The following SOX5 variants were observed in gnomAD, a reference collection of about 807,000 sequenced individuals.
The protein encoded by SOX5 is SRY-box transcription factor 5.
Under a neutral mutation model 92.0 loss-of-function variants are expected in SOX5, and 9 were observed. The observed-to-expected ratio is 0.10, with a 90% CI of 0.06 to 0.17. The LOEUF (loss-of-function observed/expected upper bound fraction) is 0.17. Ranked by LOEUF, SOX5 falls within the 10% of genes least tolerant of loss-of-function variation. The pLI is 1.00. For missense variants in SOX5, 642 were observed against 944.5 expected (o/e 0.68, Z 4.20); for synonymous variants, 344 against 336.3 (o/e 1.02, Z -0.25).
intron 4 of SOX5, among the ~76,000 whole-genome samples, chr12:23,992,608 T>C (rs1406394423): frequency 3.9e-5 from 6 of 152,210 alleles, no homozygotes; most frequent in Admixed American, 3.9e-4. Context: ...AATCGTTTTG[T>C]ACATTGTCAA....
intron 3 of SOX5, among the ~76,000 whole-genome samples, chr12:24,268,296 A>C (rs1192414807): frequency 6.6e-6 from 1 of 152,178 alleles, no homozygotes; most frequent in Non-Finnish European, 1.5e-5. Context: ...TAAACAAATA[A>C]TGTTGTGTTA....
chr12:24,343,537 A>C (rs990112104), intron 2 of SOX5, among the ~76,000 whole-genome samples: 1 of 152,016 alleles, frequency 6.6e-6, no homozygotes, highest in Non-Finnish European at 1.5e-5. Flanking sequence ...ACATATATGA[A>C]GCCATCTAAG....
intron 6 of SOX5, among the ~76,000 whole-genome samples, chr12:23,719,722 G>A (rs1317979630): frequency 7.3e-6 from 1 of 137,716 alleles, no homozygotes; most frequent in African/African-American, 2.7e-5. Flanking sequence ...AGTTACGATT[G>A]TGCCACTGCA....
chr12:24,278,114 G>T (rs145237573), intron 2 of SOX5, among the ~76,000 whole-genome samples: 1 of 152,096 alleles, frequency 6.6e-6, no homozygotes, highest in Non-Finnish European at 1.5e-5. Flanking sequence ...CAGTCGCTCC[G>T]CTATTAGTCC....
chr12:24,341,882 G>T lies in SOX5; in HGVS notation c.-174+26681C>A, dbSNP rs992709037. ...TGGGCAGCTTTGGCTCCTGGGTTCT[G>T]GTAAGGCCACCTCCTCCGTTGGTTG... On this transcript the variant is annotated intron_variant, in intron 2 of 4. Transcript: ENST00000446891. 6.6e-5 allele frequency among the ~76,000 whole-genome samples: 10 copies of T among 152,276 alleles called. No homozygotes were observed. The East Asian group carries it at 1.7e-3, about 27-fold the overall frequency.
At chr12:23,921,708 GCTCTCTA>G in intron 1 of SOX5, among the ~76,000 whole-genome samples, 1 of 152,150 alleles carries the variant, frequency 6.6e-6, no homozygotes, top group South Asian at 2.1e-4. Context: ...AAAGGCATCT[GCTCTCTA>G]ACTCACACTC....
intron 2 of SOX5, among the ~76,000 whole-genome samples, chr12:24,281,456 C>T (rs1483408672): frequency 6.6e-6 from 1 of 152,144 alleles, no homozygotes; most frequent in Non-Finnish European, 1.5e-5. Context: ...ATTTATTAAG[C>T]TAAAAAGGTC....
At chr12:23,833,771 AGATTG>A (rs1377176480) in intron 3 of SOX5, among the ~76,000 whole-genome samples, 1 of 152,028 alleles carries the variant, frequency 6.6e-6, no homozygotes, top group Non-Finnish European at 1.5e-5. Context: ...ACATGTCAGA[AGATTG>A]GAGAAGATGG....
intron 4 of SOX5, among the ~76,000 whole-genome samples, chr12:24,038,470 C>T (rs1956247442): frequency 6.6e-6 from 1 of 152,132 alleles, no homozygotes; most frequent in Admixed American, 6.6e-5. Context: ...TTCCAAAAAT[C>T]CTAAGGTGGG....
At chr12:23,961,362 G>A (rs1946909517) in intron 4 of SOX5, among the ~76,000 whole-genome samples, 2 of 152,026 alleles carry the variant, frequency 1.3e-5, no homozygotes, top group African/African-American at 4.8e-5. Context: ...ATATATGATT[G>A]TTCATGCTCT....
At chr12:24,269,582 T>G (rs1943432642) in intron 3 of SOX5, among the ~76,000 whole-genome samples, 1 of 152,132 alleles carries the variant, frequency 6.6e-6, no homozygotes, top group Admixed American at 6.5e-5. Context: ...GTACTCAAAA[T>G]ATATGTAAAC....
At chr12:23,834,390 T>G (rs1255668359) in intron 3 of SOX5, among the ~76,000 whole-genome samples, 1 of 151,952 alleles carries the variant, frequency 6.6e-6, no homozygotes, top group Non-Finnish European at 1.5e-5. Flanking sequence ...CTGATAGTAC[T>G]TTTGTTCTAA....
At chr12:24,202,379 A>C (rs1206820840) in intron 4 of SOX5, among the ~76,000 whole-genome samples, 1 of 152,256 alleles carries the variant, frequency 6.6e-6, no homozygotes, top group African/African-American at 2.4e-5. Flanking sequence ...GGCTTAAAAA[A>C]TGCAAAAATA....
At chr12:23,838,826 C>G (rs1449648271) in intron 3 of SOX5, among the ~76,000 whole-genome samples, 2 of 120,282 alleles carry the variant, frequency 1.7e-5, no homozygotes, top group Non-Finnish European at 3.2e-5. Context: ...TTCTAATTCC[C>G]AGTAGTTCTT....
At chr12:24,210,690 A>G (rs1274277754) in intron 4 of SOX5, among the ~76,000 whole-genome samples, 4 of 152,220 alleles carry the variant, frequency 2.6e-5, no homozygotes, top group Non-Finnish European at 4.4e-5. Context: ...TATTATACAA[A>G]GCCAAAAACC....
intron 9 of SOX5, among the ~76,000 whole-genome samples, chr12:23,600,570 G>A (rs1378781901): frequency 2.9e-5 from 2 of 69,636 alleles, no homozygotes; most frequent in Non-Finnish European, 5.9e-5. Flanking sequence ...CTTGGCTTGG[G>A]ACTAAAAAAA....
intron 2 of SOX5, among the ~76,000 whole-genome samples, chr12:24,314,668 A>C (rs1949537742): frequency 6.6e-6 from 1 of 152,150 alleles, no homozygotes; most frequent in Admixed American, 6.5e-5. Flanking sequence ...GGCCTAAATA[A>C]TCTGGCCTCC....
chr12:23,789,245 A>C lies in SOX5; in HGVS notation c.482-33521T>G, dbSNP rs79995603. 1.5e-4 allele frequency among the ~76,000 whole-genome samples: 23 copies of C among 149,726 alleles called. 1 individual carries two copies. In the South Asian group the frequency reaches 4.0e-3, roughly 26 times the overall value. On this transcript the variant is annotated intron_variant, in intron 3 of 14. Transcript: ENST00000451604. ...CCTTTCTTTGAAATAAAAAAAAAAA[A>C]CATTAAATTATGTTACCATTTTCAA...
At chr12:24,171,138 ATTTTTTT>A (rs71059984) in intron 4 of SOX5, among the ~76,000 whole-genome samples, 1 of 85,176 alleles carries the variant, frequency 1.2e-5, no homozygotes, top group Non-Finnish European at 2.2e-5. Context: ...CCCAAGATCT[ATTTTTTT>A]TTTTTTTTTT....
Sources: allele counts gnomAD v4.1 joint callset (sites outside exome capture counted in the v4.1 genomes callset), GRCh38; gene constraint gnomAD v4.1.1; transcripts MANE v1.5; gene names NCBI Gene and HGNC (gene_info 2026-07-23, HGNC 2026-07-21).